Variants in TENM1 observed in about 807,000 individuals in gnomAD.
TENM1 encodes teneurin-1.
Under a neutral mutation model 174.8 loss-of-function variants are expected in TENM1, and 35 were observed. The ratio of observed to expected loss-of-function variants is 0.20; its 90% confidence interval spans 0.15 to 0.27. TENM1 has a LOEUF of 0.27. Among genes scored for constraint, TENM1 ranks in the 10% least tolerant of loss-of-function variants. The pLI is 1.00. For missense variants in TENM1, 1,633 were observed against 2,130.1 expected (o/e 0.77, Z 4.59); for synonymous variants, 781 against 798.7 (o/e 0.98, Z 0.37).
chrX:125,179,477 CT>C, the TENM1 span, among the ~76,000 whole-genome samples: 1 of 111,545 alleles, frequency 9.0e-6, no homozygotes, highest in Non-Finnish European at 1.9e-5. Flanking sequence ...AGATTTTTAG[CT>C]GCCCTCTCTT....
rs754595474 is a variant in TENM1, at chrX:124,817,795, A to T, written c.535+76501T>A. On this transcript the variant is annotated intron_variant, in intron 3 of 31. Transcript: ENST00000422452. ...GAAAACAAGATAATATTAAAGCTTCAACAACATAATCCCACCCATACCCCC... is the reference window on the plus strand; with the variant it reads ...GAAAACAAGATAATATTAAAGCTTCTACAACATAATCCCACCCATACCCCC... Among the ~76,000 whole-genome samples the T allele has an allele frequency of 3.6e-5, 4 of 112,220 alleles. No individual in the cohort carries two copies. The South Asian group carries it at 1.1e-3, about 31-fold the overall frequency.
At chrX:124,718,774 T>C (rs1363761510) in intron 4 of TENM1, among the ~76,000 whole-genome samples, 1 of 111,887 alleles carries the variant, frequency 8.9e-6, no homozygotes, top group Non-Finnish European at 1.9e-5. Flanking sequence ...CCAGCAACAA[T>C]AGATTTTGTC....
intron 24 of TENM1, among the ~76,000 whole-genome samples, chrX:124,421,771 C>G (rs2294414): frequency 0.45 from 49,713 of 110,607 alleles, 9,300 homozygotes; most frequent in Non-Finnish European, 0.6. Context: ...CAAAGACAGT[C>G]TGTTCTTAGT....
intron 3 of TENM1, among the ~76,000 whole-genome samples, chrX:124,776,581 G>C (rs1471021548): frequency 8.9e-6 from 1 of 112,043 alleles, no homozygotes; most frequent in Non-Finnish European, 1.9e-5. Flanking sequence ...CGATTGAAAA[G>C]CATACCAAAA....
intron 18 of TENM1, among the ~76,000 whole-genome samples, chrX:124,508,168 C>T (rs2047494462): frequency 8.9e-6 from 1 of 112,233 alleles, no homozygotes; most frequent in African/African-American, 3.2e-5. Flanking sequence ...AAAACAAGTA[C>T]CTGCTCTCAG....
chrX:124,528,678 C>T (rs866149764), intron 16 of TENM1, among the ~76,000 whole-genome samples: 30 of 106,689 alleles, frequency 2.8e-4, no homozygotes, highest in African/African-American at 9.8e-4. Context: ...TATATATATA[C>T]ACACACATAT....
intron 5 of TENM1, among the ~76,000 whole-genome samples, chrX:124,684,052 C>T (rs1432979939): frequency 8.9e-6 from 1 of 111,884 alleles, no homozygotes; most frequent in Non-Finnish European, 1.9e-5. Context: ...ATCAGCTGCA[C>T]CTTTCAATAG....
At chrX:124,928,600 C>T (rs1279877747) in intron 1 of TENM1, among the ~76,000 whole-genome samples, 1 of 112,038 alleles carries the variant, frequency 8.9e-6, no homozygotes, top group East Asian at 2.8e-4. Context: ...ACAACTTTGG[C>T]ACATTACCCA....
chrX:124,465,782 T>C (rs149643111), intron 22 of TENM1, among the ~76,000 whole-genome samples: 56 of 110,799 alleles, frequency 5.1e-4, no homozygotes, highest in African/African-American at 1.7e-3. Context: ...TTAAAGTTGA[T>C]GCATGCAACC....
chrX:124,621,246 C>T (rs1366553078), intron 11 of TENM1, among the ~76,000 whole-genome samples: 2 of 111,554 alleles, frequency 1.8e-5, no homozygotes, highest in Admixed American at 9.5e-5. Context: ...AGGAGGCGGG[C>T]GGATCACATG....
At chrX:124,969,405 A>G in the TENM1 span, among the ~76,000 whole-genome samples, 2 of 112,013 alleles carry the variant, frequency 1.8e-5, no homozygotes, top group Admixed American at 9.5e-5. Context: ...ACTTATGTTC[A>G]TTTATTTAGT....
chrX:124,622,448 T>C (rs772369534), intron 11 of TENM1, among the ~76,000 whole-genome samples: 35 of 112,304 alleles, frequency 3.1e-4, no homozygotes, highest in Admixed American at 3.0e-3. Context: ...TTCTTTTAAG[T>C]GAAAGAAATA....
chrX:124,931,886 C>T (rs1163607767), intron 1 of TENM1, among the ~76,000 whole-genome samples: 1 of 110,654 alleles, frequency 9.0e-6, no homozygotes, highest in Non-Finnish European at 1.9e-5. Flanking sequence ...CACACACACA[C>T]ACACACACAC....
chrX:124,677,096 T>G (rs956731778), intron 5 of TENM1, among the ~76,000 whole-genome samples: 1 of 111,077 alleles, frequency 9.0e-6, no homozygotes, highest in African/African-American at 3.3e-5. Context: ...ATATTTTGGA[T>G]ATATCAGGTT....
the TENM1 span, among the ~76,000 whole-genome samples, chrX:125,023,373 C>A: frequency 1.8e-5 from 2 of 111,309 alleles, no homozygotes; most frequent in Non-Finnish European, 3.8e-5. Flanking sequence ...CCCAGTCATG[C>A]AGAACTGTAA....
chrX:124,874,100 T>C (rs747547148), intron 3 of TENM1, among the ~76,000 whole-genome samples: 3 of 111,687 alleles, frequency 2.7e-5, no homozygotes, highest in African/African-American at 6.5e-5. Flanking sequence ...TCTTCATACA[T>C]ACCACTGCAT....
chrX:124,647,730 G>GGT (rs113751818), intron 8 of TENM1, among the ~76,000 whole-genome samples: 5,180 of 103,820 alleles, frequency 0.05, 112 homozygotes, highest in African/African-American at 0.066. Flanking sequence ...TTTTTTTTGT[G>GGT]GTGTGTGTGT....
chrX:124,637,594 C>G (rs774718446), intron 11 of TENM1, among the ~76,000 whole-genome samples: 1 of 111,356 alleles, frequency 9.0e-6, no homozygotes, highest in Non-Finnish European at 1.9e-5. Flanking sequence ...CTTTAAACAC[C>G]TTAAATGGCT....
chrX:125,056,884 G>T, the TENM1 span, among the ~76,000 whole-genome samples: 2 of 111,414 alleles, frequency 1.8e-5, no homozygotes, highest in Admixed American at 9.6e-5. Flanking sequence ...ACTGATTTTT[G>T]ATCATGTCAT....
Sources: gnomAD v4.1 joint callset for allele counts (sites outside exome capture counted in the v4.1 genomes callset) on GRCh38, gnomAD v4.1.1 for gene constraint, MANE v1.5 for transcripts, NCBI Gene and HGNC (gene_info 2026-07-23, HGNC 2026-07-21) for gene names.